The following SOS2 variants were observed in gnomAD, a reference collection of about 807,000 sequenced individuals.
SOS2 encodes the protein son of sevenless homolog 2.
SOS2 carries 65 observed loss-of-function variants against 148.2 expected under a neutral mutation model. The observed-to-expected ratio is 0.44, with a 90% confidence interval of 0.36 to 0.54. The LOEUF (loss-of-function observed/expected upper bound fraction) is 0.54, where lower values mean the gene tolerates loss of function less well. SOS2 is among the 20% of genes least tolerant of loss of function. SOS2 has a pLI of 0.00. For missense variants in SOS2, 1,341 were observed against 1,590.2 expected (o/e 0.84, Z 2.67); for synonymous variants, 539 against 537.1 (o/e 1.00, Z -0.05).
chr14:50,120,488 C>A (rs926485482), intron 21 of SOS2, 104 bp from the exon 22 acceptor site: 4 of 657,442 alleles, frequency 6.1e-6, no homozygotes, highest in African/African-American at 3.8e-5. Context: ...CAGACTGTAT[C>A]AACTATTGGT....
At position 50,117,288 on chromosome 14, in the gene SOS2, G is replaced by A. The variant is rs1015622005; in HGVS notation, c.*1056C>T. 2.0e-5 allele frequency: 3 copies of A among 152,088 alleles called. No homozygotes were observed. The highest frequency in any genetic ancestry group is 1.3e-4 in the Admixed American group (2 of 15,280). 9.4% of individuals were successfully genotyped at this position (152,088 alleles called of 1,614,324 possible). A position where few individuals can be genotyped will look rare whatever the true frequency, so the allele number is the denominator to read the frequency against. On this transcript the variant is annotated 3_prime_UTR_variant, in exon 23 of 23. Transcript: ENST00000216373. ...AGCAAAACACTCTATCACTTTGAAC[G>A]AAGGCATCCAAATGGCAAATAAAAG...
In SOS2 at chr14:50,166,580, T is replaced by TGAGTAGCAAG. The variant is rs1885174787; in HGVS notation, c.1069-4972_1069-4971insCTTGCTACTC. On this transcript the variant is annotated intron_variant, in intron 8 of 22. Transcript: ENST00000216373. Reference sequence around the variant, plus strand: ...GCTGAAGAATATATTCCTTGCTACCTGATACTCATCATTATCCTTAGTTGT... The same window carrying TGAGTAGCAAG: ...GCTGAAGAATATATTCCTTGCTACCTGAGTAGCAAGGATACTCATCATTATCCTTAGTTGT... Among the ~76,000 whole-genome samples, 4 of 152,304 alleles carry TGAGTAGCAAG rather than the reference T, an allele frequency of 2.6e-5. No homozygotes were observed. The South Asian group carries it at 8.3e-4, about 32-fold the overall frequency.
chr14:50,217,961 A>C (rs1887083961), intron 1 of SOS2, among the ~76,000 whole-genome samples: 1 of 151,564 alleles, frequency 6.6e-6, no homozygotes, highest in Non-Finnish European at 1.5e-5. Context: ...TCTCAAAAAA[A>C]CAAAAACAAA....
intron 8 of SOS2, among the ~76,000 whole-genome samples, chr14:50,165,719 C>T (rs945402508): frequency 6.6e-6 from 1 of 152,214 alleles, no homozygotes; most frequent in Non-Finnish European, 1.5e-5. Context: ...TCAGAAGTAA[C>T]TGGAATAAAT....
At position 50,118,037 on chromosome 14, in the gene SOS2, T is replaced by C. The variant is rs1401549777; in HGVS notation, c.*307A>G. On this transcript the variant is annotated 3_prime_UTR_variant, in exon 23 of 23. Transcript: ENST00000216373. ...AATTTCACAAAAGCACTATCCCTTT[T>C]CAGTGCAATCATGTCACTTTAAACC... 1.6e-5 allele frequency: 4 copies of C among 247,164 alleles called. No individual in the cohort carries two copies. The South Asian group carries it at 3.9e-4, about 24-fold the overall frequency. The allele number at this position is 247,164 out of a possible 1,614,324, so 15.3% of individuals were successfully genotyped here.
At chr14:50,145,029 T>C in intron 16 of SOS2, 141 bp downstream of exon 16, 1 of 379,126 alleles carries the variant, frequency 2.6e-6, no homozygotes, top group Non-Finnish European at 4.7e-6. Context: ...CAACATATTT[T>C]CTAATATATT....
intron 1 of SOS2, among the ~76,000 whole-genome samples, chr14:50,211,415 C>A (rs966763958): frequency 6.6e-6 from 1 of 152,034 alleles, no homozygotes; most frequent in Non-Finnish European, 1.5e-5. Context: ...GTTTGGGGTA[C>A]AAATGATCCC....
chr14:50,231,107 C>G, intron 1 of SOS2, 90 bp downstream of exon 1: 1 of 771,856 alleles, frequency 1.3e-6, no homozygotes, highest in Admixed American at 4.0e-5. Flanking sequence ...GCCCCGGGGA[C>G]TCGAGCCCTG....
chr14:50,231,120 G>A, intron 1 of SOS2, 77 bp downstream of exon 1: 1 of 905,336 alleles, frequency 1.1e-6, no homozygotes, highest in Non-Finnish European at 1.5e-6. Flanking sequence ...GAGCCCTGTG[G>A]GAGGGACGAC....
chr14:50,151,781 G>C (rs1034076829), intron 13 of SOS2, among the ~76,000 whole-genome samples: 5 of 152,158 alleles, frequency 3.3e-5, no homozygotes, highest in African/African-American at 1.2e-4. Context: ...TGTGTGCAGT[G>C]TTGCAATTTC....
At chr14:50,176,048 A>C (rs1885512426) in intron 7 of SOS2, among the ~76,000 whole-genome samples, 1 of 152,234 alleles carries the variant, frequency 6.6e-6, no homozygotes, top group African/African-American at 2.4e-5. Flanking sequence ...CAACAGTATT[A>C]AGAGATGGGG....
intron 1 of SOS2, among the ~76,000 whole-genome samples, chr14:50,224,172 T>G (rs1267697389): frequency 6.6e-6 from 1 of 150,938 alleles, no homozygotes; most frequent in Admixed American, 6.6e-5. Flanking sequence ...GCGCCTGTAA[T>G]CCCAGCTACT....
intron 1 of SOS2, among the ~76,000 whole-genome samples, chr14:50,220,827 T>A (rs1887181606): frequency 6.6e-6 from 1 of 152,196 alleles, no homozygotes; most frequent in Non-Finnish European, 1.5e-5. Flanking sequence ...AGCAAAAATT[T>A]TTGTCATCAA....
At position 50,145,566 on chromosome 14, in the gene SOS2, A is replaced by C; in HGVS notation, c.2415T>G (p.Ser805Arg). Reference sequence around the variant, plus strand: ...TTTCTTTATCTTCTTTGGTCCACACACTCCCTACAAGTTCAGACGGTTGAA... The same window carrying C: ...TTTCTTTATCTTCTTTGGTCCACACCCTCCCTACAAGTTCAGACGGTTGAA... ...RKVQPSELVG[S>R]VWTKEDKEIN... The change falls in exon 15 of 23, where the codon AGT (serine) becomes AGG (arginine). Residue 805 changes from serine to arginine, a missense_variant. Ser to Arg is a moderately radical substitution (Grantham distance 110). Around this residue, in one of 4 missense-constraint regions of SOS2, gnomAD observed 408 missense variants for 506.6 expected, o/e 0.81. Transcript: ENST00000216373. 1 of 1,608,406 alleles carries C rather than the reference A, an allele frequency of 6.2e-7. No individual in the cohort carries two copies. Among genetic ancestry groups the C allele is most frequent in the Non-Finnish European group, 8.5e-7 (1 of 1,177,862 alleles).
chr14:50,202,161 C>T (rs1354531488), intron 2 of SOS2, among the ~76,000 whole-genome samples: 1 of 152,108 alleles, frequency 6.6e-6, no homozygotes, highest in Non-Finnish European at 1.5e-5. Flanking sequence ...CAGAGTTTTG[C>T]CATGTTGCCC....
intron 19 of SOS2, among the ~76,000 whole-genome samples, chr14:50,132,354 T>TAA (rs886376742): frequency 0.033 from 2,075 of 62,870 alleles, 117 homozygotes; most frequent in African/African-American, 0.063. Context: ...CTATTGCCAT[T>TAA]AAAAAAAAAA....
At chr14:50,201,966 G>A (rs75625949) in intron 2 of SOS2, among the ~76,000 whole-genome samples, 4,407 of 152,134 alleles carry the variant, frequency 0.029, 114 homozygotes, top group Admixed American at 0.091. Context: ...TTGGAGACAG[G>A]GTCTCACTCT....
At chr14:50,153,227 T>C (rs1566828839) in intron 12 of SOS2, 54 bp from the exon 13 acceptor site, 2 of 966,434 alleles carry the variant, frequency 2.1e-6, no homozygotes, top group South Asian at 1.4e-5. Flanking sequence ...TCAATTACAC[T>C]TCTTCCTTCT....
rs185559654 is a variant in SOS2 at position 50,125,145 on chromosome 14, A to G, written c.3380-4761T>C. The stretch of plus-strand genomic sequence containing the variant: ...GGTCATTAAAATGGATCCAAATCCA[A>G]TATGACATGACCAGTGTCTTTATAA... On this transcript the variant is annotated intron_variant, in intron 21 of 22. Transcript: ENST00000216373. 1.5e-3 allele frequency among the ~76,000 whole-genome samples: 234 copies of G among 152,346 alleles called. 1 individual carries two copies. The highest frequency in any genetic ancestry group is 1.3e-3 in the Non-Finnish European group (87 of 68,032).
Sources: gnomAD v4.1 joint callset for allele counts (sites outside exome capture counted in the v4.1 genomes callset) on GRCh38, gnomAD v4.1.1 for gene constraint, gnomAD v4.1.1 regional missense constraint, MANE v1.5 for transcripts, NCBI Gene and HGNC (gene_info 2026-07-23, HGNC 2026-07-21) for gene names.